Variants in GBP1 observed in about 807,000 individuals in gnomAD.
GBP1 encodes guanylate-binding protein 1.
Under a neutral mutation model 69.5 loss-of-function variants are expected in GBP1, and 64 were observed. That is an observed-to-expected ratio of 0.92 (90% CI 0.75 to 1.13). GBP1 has a LOEUF of 1.13. Ranked by LOEUF, GBP1 falls within the 50% of genes most tolerant of loss-of-function variation. The pLI is 0.00. For missense variants in GBP1, 630 were observed against 704.1 expected, an observed-to-expected ratio of 0.89 and a Z score of 1.19; for synonymous variants, 250 against 261.2, an observed-to-expected ratio of 0.96 and a Z score of 0.41.
intron 6 of GBP1, 118 bp downstream of exon 6, chr1:89,057,874 A>G: frequency 8.8e-7 from 1 of 1,140,220 alleles, no homozygotes; most frequent in Non-Finnish European, 1.2e-6. Flanking sequence ...GGTGCCATCT[A>G]GAATTTAACA....
At chr1:89,062,835 T>G in intron 2 of GBP1, 2 of 580,634 alleles carry the variant, frequency 3.4e-6, no homozygotes, top group Non-Finnish European at 3.0e-6. Flanking sequence ...TAATTTGTGC[T>G]TTTGAAATGG....
intron 3 of GBP1, 81 bp downstream of exon 3, chr1:89,060,116 A>C (rs1358448578): frequency 8.2e-6 from 11 of 1,334,842 alleles, no homozygotes; most frequent in East Asian, 2.5e-5. Context: ...GCCTGTAGTT[A>C]ATAGTTAATA....
In GBP1 at chr1:89,056,056, A is replaced by T; in HGVS notation, c.1328T>A (p.Leu443Gln). ...CGGTTCCTCATAGTACTTTTTCTTCAGGTCTTGTAGCTTCTGAACAAAGAG... is the reference window on the plus strand; with the variant it reads ...CGGTTCCTCATAGTACTTTTTCTTCTGGTCTTGTAGCTTCTGAACAAAGAG... ...YRLFVQKLQD[L>Q]KKKYYEEPRK... The change falls in exon 8 of 11, where the codon CTG becomes CAG. Residue 443 changes from leucine to glutamine, a missense_variant. Leu to Gln is a moderately radical substitution (Grantham distance 113). This residue lies in a region of GBP1 where 367 missense variants were observed against 369.5 expected (regional missense o/e 0.99). Transcript: ENST00000370473. 1 of 1,613,906 alleles carries T rather than the reference A, an allele frequency of 6.2e-7. No homozygotes were observed. The highest frequency in any genetic ancestry group is 8.5e-7 in the Non-Finnish European group (1 of 1,179,854).
Position 89,057,114 on chromosome 1 carries a change from T to G in GBP1, c.895A>C (p.Thr299Pro). Residue 299 changes from threonine (T) to proline (P), a missense_variant, in exon 7 of 11, where the codon ACC becomes CCC. Thr to Pro is a conservative substitution (Grantham distance 38, BLOSUM62 -1). Transcript: ENST00000370473. Reference sequence around the variant, plus strand: ...CCACTGCTGATGGCATTGACGTAGGTCAGCACCAGGCTCTCTAGACCTGCA... The same window carrying G: ...CCACTGCTGATGGCATTGACGTAGGGCAGCACCAGGCTCTCTAGACCTGCA... Reference protein sequence around the residue: ...NGPRLESLVLTYVNAISSGDL... With the variant: ...NGPRLESLVLPYVNAISSGDL... The G allele has an allele frequency of 6.2e-7, 1 of 1,614,278 alleles. No homozygotes were observed. Among genetic ancestry groups the G allele is most frequent in the Non-Finnish European group, 8.5e-7 (1 of 1,180,048 alleles).
Position 89,063,277 on chromosome 1 carries a change from A to C in GBP1, c.-19-24T>G, listed in dbSNP as rs562559445. On this transcript the variant is annotated intron_variant, in intron 1 of 10. Coordinates refer to ENST00000370473, the MANE Select transcript of GBP1 (RefSeq NM_002053.3). ...GTCTGCAAGAGAAGAGGTGAAATAC[A>C]TGAGAATTTCTAGTGTTTTGCAATT... The C allele has an allele frequency of 5.0e-6, 8 of 1,587,696 alleles. No individual in the cohort carries two copies. The Admixed American group carries it at 1.2e-4, about 24-fold the overall frequency.
At position 89,053,363 on chromosome 1, in the gene GBP1, T is replaced by C; in HGVS notation, c.1771A>G (p.Ile591Val). ...CAGGAAGGCTCTGGTCTTTAGCTTA[T>C]GGTACATGCCTTTCGTCGTCTCATT... Reference protein sequence around the residue: ...TKMRRRKACTIS With the variant: ...TKMRRRKACTVS The change falls in exon 11 of 11, where the codon ATA becomes GTA. Residue 591 changes from isoleucine to valine, a missense_variant. Ile to Val is a conservative substitution (Grantham distance 29). Coordinates refer to ENST00000370473, the MANE Select transcript of GBP1 (RefSeq NM_002053.3). The C allele has an allele frequency of 6.2e-7, 1 of 1,612,830 alleles. No homozygotes were observed. The highest frequency in any genetic ancestry group is 1.7e-5 in the Admixed American group (1 of 59,922).
chr1:89,058,859 A>T lies in GBP1; in HGVS notation c.613T>A (p.Ser205Thr). Reference sequence around the variant, plus strand: ...CTGTTACCTTTCTTCAGCTTCAGGGAGTATGTCAGGTACTCATCTGGTGTG... The same window carrying T: ...CTGTTACCTTTCTTCAGCTTCAGGGTGTATGTCAGGTACTCATCTGGTGTG... ...PLTPDEYLTY[S>T]LKLKKGTSQK... The change falls in exon 5 of 11, where the codon TCC (serine) becomes ACC (threonine). Residue 205 changes from serine to threonine, a missense_variant. Ser to Thr is a moderately conservative substitution (Grantham distance 58, BLOSUM62 1). Transcript: ENST00000370473. The T allele has an allele frequency of 5.0e-6, 8 of 1,614,142 alleles. No homozygotes were observed. Among genetic ancestry groups the T allele is most frequent in the Non-Finnish European group, 5.9e-6 (7 of 1,180,012 alleles).
In GBP1 at chr1:89,056,993, A is replaced by G. The variant is rs1680065632; in HGVS notation, c.1016T>C (p.Met339Thr). ...QKAIAHYEQQMGQKVQLPTET... is the reference protein window; with the variant it reads ...QKAIAHYEQQTGQKVQLPTET... ...TGTGGGCAGCTGCACCTTCTGGCCC[A>G]TCTGCTGTTCATAGTGGGCAATAGC... The change falls in exon 7 of 11, where the codon ATG (methionine) becomes ACG (threonine). Residue 339 changes from methionine to threonine, a missense_variant. By Grantham distance (81) the Met-to-Thr change is moderately conservative. This residue lies in a region of GBP1 where 367 missense variants were observed against 369.5 expected (regional missense o/e 0.99). Coordinates refer to ENST00000370473, the MANE Select transcript of GBP1 (RefSeq NM_002053.3). 2.5e-6 allele frequency: 4 copies of G among 1,614,244 alleles called. No homozygotes were observed. The highest frequency in any genetic ancestry group is 3.4e-6 in the Non-Finnish European group (4 of 1,180,042).
intron 10 of GBP1, among the ~76,000 whole-genome samples, chr1:89,054,267 A>T (rs1464606720): frequency 3.9e-5 from 6 of 151,942 alleles, no homozygotes; most frequent in Admixed American, 6.6e-5. Context: ...ATCTAGCTAA[A>T]TTTTTTGTAT....
intron 3 of GBP1, 105 bp from the exon 4 acceptor site, chr1:89,059,531 C>CTTT: frequency 1.2e-6 from 1 of 836,648 alleles, no homozygotes; most frequent in South Asian, 2.7e-5. Flanking sequence ...GTTTTTTTTT[C>CTTT]TTTTCTTTTT....
intron 7 of GBP1, 89 bp from the exon 8 acceptor site, chr1:89,056,317 A>T (rs557755011): frequency 1.2e-6 from 2 of 1,602,216 alleles, no homozygotes; most frequent in South Asian, 2.2e-5. Context: ...CTGAAAATAG[A>T]AGTCAATGAT....
chr1:89,058,437 C>T (rs1168456997), intron 5 of GBP1: 3 of 552,066 alleles, frequency 5.4e-6, no homozygotes, highest in Non-Finnish European at 9.3e-6. Flanking sequence ...TTTACAAAGA[C>T]AGCTGGCAGG....
Position 89,058,106 on chromosome 1 carries a change from G to C in GBP1, c.760C>G (p.Gln254Glu). The C allele has an allele frequency of 6.2e-7, 1 of 1,614,176 alleles. No individual in the cohort carries two copies. The highest frequency in any genetic ancestry group is 8.5e-7 in the Non-Finnish European group (1 of 1,180,014). The change falls in exon 6 of 11, where the codon CAA becomes GAA. Residue 254 changes from glutamine (Q) to glutamate (E), a missense_variant. Physicochemically the swap from Gln to Glu is conservative, Grantham distance 29. This residue lies in a region of GBP1 where 367 missense variants were observed against 369.5 expected (regional missense o/e 0.99). Coordinates refer to ENST00000370473, the MANE Select transcript of GBP1 (RefSeq NM_002053.3). ...RRKLAQLEKLQDEELDPEFVQ... is the reference protein window; with the variant it reads ...RRKLAQLEKLEDEELDPEFVQ... Reference sequence around the variant, plus strand: ...AATTCGGGGTCCAGCTCTTCATCTTGTAGTTTCTCGAGCTGGGCAAGCTTC... The same window carrying C: ...AATTCGGGGTCCAGCTCTTCATCTTCTAGTTTCTCGAGCTGGGCAAGCTTC...
chr1:89,062,897 C>T, intron 2 of GBP1, 148 bp downstream of exon 2: 1 of 902,660 alleles, frequency 1.1e-6, no homozygotes, highest in Non-Finnish European at 1.7e-6. Flanking sequence ...TCCCCTAGAA[C>T]AGCGTGAAGA....
At chr1:89,060,008 C>A (rs1347665454) in intron 3 of GBP1, among the ~76,000 whole-genome samples, 189 bp downstream of exon 3, 1 of 152,206 alleles carries the variant, frequency 6.6e-6, no homozygotes, top group Admixed American at 6.5e-5. Flanking sequence ...GGCTTTAGCA[C>A]CCAAATTCTT....
At chr1:89,056,427 G>C (rs1448463757) in intron 7 of GBP1, among the ~76,000 whole-genome samples, 199 bp from the exon 8 acceptor site, 5 of 152,162 alleles carry the variant, frequency 3.3e-5, no homozygotes, top group African/African-American at 9.7e-5. Context: ...GTTCAGGGCT[G>C]AGATTGATAG....
Position 89,063,257 on chromosome 1 carries a change from C to A in GBP1, c.-19-4G>T. On this transcript the variant is annotated splice_region_variant and splice_polypyrimidine_tract_variant and intron_variant, in intron 1 of 10. Coordinates refer to ENST00000370473, the MANE Select transcript of GBP1 (RefSeq NM_002053.3). The stretch of plus-strand genomic sequence containing the variant: ...CATGTCCAGGCTGTTCCCTTGTCTG[C>A]AAGAGAAGAGGTGAAATACATGAGA... The A allele has an allele frequency of 6.2e-7, 1 of 1,608,742 alleles. No homozygotes were observed. The highest frequency in any genetic ancestry group is 2.2e-5 in the East Asian group (1 of 44,792).
chr1:89,054,546 G>A (rs916753689), intron 10 of GBP1, 136 bp downstream of exon 10: 2 of 786,476 alleles, frequency 2.5e-6, no homozygotes, highest in Non-Finnish European at 4.2e-6. Context: ...TGGACAGACA[G>A]GAATTGAAAA....
rs1680057922 is a variant in GBP1 at position 89,056,804 on chromosome 1, T to C, written c.1155+50A>G. 5.1e-6 allele frequency: 8 copies of C among 1,554,306 alleles called. No homozygotes were observed. In the East Asian group the frequency reaches 1.8e-4, roughly 35 times the overall value. ...AAATAATAGTTTTCTTTCCTTGTGG[T>C]ACTTTAGCTTCTATGACCCTAAACC... On this transcript the variant is annotated intron_variant, in intron 7 of 10. Transcript: ENST00000370473.
Sources: allele counts gnomAD v4.1 joint callset (sites outside exome capture counted in the v4.1 genomes callset), GRCh38; gene constraint gnomAD v4.1.1; regional missense constraint gnomAD v4.1.1; transcripts MANE v1.5; gene names NCBI Gene and HGNC (gene_info 2026-07-23, HGNC 2026-07-21).